Variants in DLC1 observed in about 807,000 individuals in gnomAD.
DLC1 encodes the protein rho GTPase-activating protein 7.
DLC1 carries 54 observed loss-of-function variants against 140.3 expected under a neutral mutation model. That is an observed-to-expected ratio of 0.38 (90% CI 0.31 to 0.48). The LOEUF is 0.48. DLC1 is among the 20% of genes least tolerant of loss of function. DLC1 has a pLI of 0.96. For synonymous variants in DLC1, 986 were observed against 728.1 expected (o/e 1.35, Z -5.70); for missense variants, 2,536 against 1,907.0 (o/e 1.33, Z -6.14).
intron 1 of DLC1, among the ~76,000 whole-genome samples, chr8:13,574,383 C>G (rs995033713): frequency 6.6e-6 from 1 of 152,102 alleles, no homozygotes; most frequent in Non-Finnish European, 1.5e-5. Context: ...ATTCTTAACG[C>G]TCAAACTTAA....
intron 1 of DLC1, among the ~76,000 whole-genome samples, chr8:13,511,249 G>A (rs7005118): frequency 0.079 from 11,935 of 151,972 alleles, 676 homozygotes; most frequent in East Asian, 0.17. Flanking sequence ...TTTCACACAT[G>A]CAATTGTCTT....
intron 5 of DLC1, among the ~76,000 whole-genome samples, chr8:13,167,929 A>G (rs17185878): frequency 0.13 from 20,494 of 152,258 alleles, 1,453 homozygotes; most frequent in Non-Finnish European, 0.16. Context: ...ATGACTGACA[A>G]TGTACACCAA....
upstream of DLC1, among the ~76,000 whole-genome samples, chr8:13,515,071 G>C (rs571676192): frequency 3.9e-5 from 6 of 152,114 alleles, no homozygotes; most frequent in East Asian, 1.2e-3. Context: ...AAGTCCTAGA[G>C]CTTTTTCTAT....
At chr8:13,206,279 C>A (rs1827659493) in intron 5 of DLC1, among the ~76,000 whole-genome samples, 1 of 152,106 alleles carries the variant, frequency 6.6e-6, no homozygotes, top group South Asian at 2.1e-4. Flanking sequence ...AAAATACATT[C>A]CTTTGAATGT....
intron 1 of DLC1, among the ~76,000 whole-genome samples, chr8:13,512,926 AT>A (rs1353443566): frequency 1.3e-5 from 2 of 149,042 alleles, no homozygotes; most frequent in East Asian, 4.0e-4. Flanking sequence ...TAAAGTTAGG[AT>A]TTTTTTCCCC....
intron 5 of DLC1, chr8:13,214,612 A>G (rs1828104931): frequency 1.3e-6 from 1 of 753,290 alleles, no homozygotes; most frequent in Admixed American, 1.8e-5. Context: ...GTGTTCTGCC[A>G]GGCACACACC....
At chr8:13,277,384 C>T (rs1043707949) in intron 5 of DLC1, among the ~76,000 whole-genome samples, 1 of 152,210 alleles carries the variant, frequency 6.6e-6, no homozygotes, top group Non-Finnish European at 1.5e-5. Flanking sequence ...CACATTTTCT[C>T]TCTAACCATA....
intron 5 of DLC1, among the ~76,000 whole-genome samples, chr8:13,302,745 G>A (rs541424018): frequency 6.5e-4 from 99 of 151,382 alleles, no homozygotes; most frequent in Middle Eastern, 3.5e-3. Flanking sequence ...CCTTAGGGGC[G>A]GGTATGAAGC....
intron 5 of DLC1, chr8:13,132,985 C>T (rs1822248434): frequency 3.1e-6 from 5 of 1,610,618 alleles, no homozygotes; most frequent in African/African-American, 1.3e-5. Context: ...GCACATCAAG[C>T]ACGGCAGGCG....
chr8:13,102,962 A>C, intron 7 of DLC1, 109 bp from the exon 8 acceptor site: 2 of 872,422 alleles, frequency 2.3e-6, no homozygotes, highest in Non-Finnish European at 3.7e-6. Flanking sequence ...CTTGAAACTC[A>C]GTAATACCTA....
At chr8:13,217,349 C>G (rs1197967346) in intron 5 of DLC1, among the ~76,000 whole-genome samples, 1 of 152,102 alleles carries the variant, frequency 6.6e-6, no homozygotes, top group African/African-American at 2.4e-5. Flanking sequence ...ATCAACAATT[C>G]ATGAAGGATG....
At chr8:13,312,360 CAAAAAAAAAAAAA>C (rs777597726) in intron 4 of DLC1, among the ~76,000 whole-genome samples, 1 of 6,638 alleles carries the variant, frequency 1.5e-4, no homozygotes, top group African/African-American at 4.2e-4. Context: ...GACTCCGTCT[CAAAAAAAAAAAAA>C]AAAAAAAAAA....
intron 5 of DLC1, among the ~76,000 whole-genome samples, chr8:13,201,688 G>A (rs567540450): frequency 3.3e-5 from 5 of 152,124 alleles, no homozygotes; most frequent in African/African-American, 9.6e-5. Context: ...GTAGATTCTG[G>A]ACATTCTTCT....
At chr8:13,312,162 C>G (rs1832692365) in intron 4 of DLC1, among the ~76,000 whole-genome samples, 1 of 129,246 alleles carries the variant, frequency 7.7e-6, no homozygotes, top group African/African-American at 3.0e-5. Context: ...GAGATCGAGA[C>G]CATCCTGGCT....
In DLC1 at chr8:13,231,613, T is replaced by G. The variant is rs191577958; in HGVS notation, c.1348+73656A>C. ...TGGTCTACAATTCTACATATTCTTG[T>G]GCATTGCAAGTCAAAGATTGTTAGA... On this transcript the variant is annotated intron_variant, in intron 5 of 17. Coordinates refer to ENST00000276297, the MANE Select transcript of DLC1 (RefSeq NM_182643.3). Among the ~76,000 whole-genome samples, 78 of 152,366 alleles carry G rather than the reference T, an allele frequency of 5.1e-4. 1 individual carries two copies. The East Asian group carries it at 0.014, about 28-fold the overall frequency.
intron 2 of DLC1, among the ~76,000 whole-genome samples, chr8:13,425,734 T>C (rs1373436473): frequency 2.0e-5 from 3 of 152,202 alleles, no homozygotes; most frequent in South Asian, 2.1e-4. Context: ...CAAAACCAAC[T>C]TCCTCCTCCC....
chr8:13,356,089 CAA>C (rs372991073), intron 4 of DLC1, among the ~76,000 whole-genome samples: 48 of 53,342 alleles, frequency 9.0e-4, no homozygotes, highest in African/African-American at 3.6e-3. Flanking sequence ...GACTCCATCT[CAA>C]AAAAAAAAAA....
chr8:13,307,040 C>T (rs1177066077), intron 4 of DLC1, among the ~76,000 whole-genome samples: 6 of 131,294 alleles, frequency 4.6e-5, no homozygotes, highest in African/African-American at 1.2e-4. Flanking sequence ...GCCGAGACCA[C>T]ACCATTGCAC....
chr8:13,475,212 G>A (rs568574464), intron 2 of DLC1, among the ~76,000 whole-genome samples: 1 of 152,172 alleles, frequency 6.6e-6, no homozygotes, highest in African/African-American at 2.4e-5. Context: ...TTTCTGTCAT[G>A]CCTCAAACGT....
Sources: allele counts gnomAD v4.1 joint callset (sites outside exome capture counted in the v4.1 genomes callset), GRCh38; gene constraint gnomAD v4.1.1; transcripts MANE v1.5; gene names NCBI Gene and HGNC (gene_info 2026-07-23, HGNC 2026-07-21).